The following RHOU variants were observed in gnomAD, a reference collection of about 807,000 sequenced individuals.
The protein encoded by RHOU is rho-related GTP-binding protein RhoU.
Under a neutral mutation model 12.6 loss-of-function variants are expected in RHOU, and 8 were observed. That is an observed-to-expected ratio of 0.64 (90% confidence interval 0.37 to 1.15). The LOEUF is 1.15. Among genes scored for constraint, RHOU ranks in the 50% most tolerant of loss-of-function variants. The pLI, the probability that RHOU is intolerant of heterozygous loss-of-function variation, is 0.01. For missense variants in RHOU, 258 were observed against 347.0 expected, an observed-to-expected ratio of 0.74 and a Z score of 2.04; for synonymous variants, 161 against 147.4, an observed-to-expected ratio of 1.09 and a Z score of -0.67.
the RHOU span, among the ~76,000 whole-genome samples, chr1:228,646,805 C>T: frequency 2.0e-5 from 3 of 150,906 alleles, no homozygotes; most frequent in Non-Finnish European, 4.4e-5. Context: ...CAGACGCACG[C>T]ACACACACAC....
chr1:228,703,151 A>C, the RHOU span, among the ~76,000 whole-genome samples: 4 of 152,340 alleles, frequency 2.6e-5, no homozygotes, highest in Admixed American at 2.6e-4. Context: ...AAACAACAGT[A>C]AGAGTTTCTA....
chr1:228,676,328 C>A, the RHOU span, among the ~76,000 whole-genome samples: 1 of 152,008 alleles, frequency 6.6e-6, no homozygotes, highest in African/African-American at 2.4e-5. Context: ...GGTTCACATT[C>A]CTCAGATTAA....
the RHOU span, among the ~76,000 whole-genome samples, chr1:228,713,594 A>T: frequency 1.3e-5 from 2 of 152,164 alleles, no homozygotes; most frequent in Admixed American, 6.6e-5. Flanking sequence ...GGCCTCCCAA[A>T]GTGCTGGGAT....
chr1:228,721,678 G>C, the RHOU span, among the ~76,000 whole-genome samples: 10 of 152,320 alleles, frequency 6.6e-5, no homozygotes, highest in South Asian at 2.1e-3. Flanking sequence ...GTTTTGTCTT[G>C]AGACGGAGTT....
chr1:228,660,732 G>A, the RHOU span, among the ~76,000 whole-genome samples: 3 of 151,604 alleles, frequency 2.0e-5, no homozygotes, highest in Non-Finnish European at 2.9e-5. Context: ...TTGGGAGTTT[G>A]AGACCAACCT....
At chr1:228,740,533 A>G (rs185252703) in intron 2 of RHOU, among the ~76,000 whole-genome samples, 1 of 152,358 alleles carries the variant, frequency 6.6e-6, no homozygotes, top group East Asian at 1.9e-4. Flanking sequence ...TTAGACTACT[A>G]GCCAAGCTGG....
At chr1:228,721,029 C>T in the RHOU span, among the ~76,000 whole-genome samples, 2 of 152,076 alleles carry the variant, frequency 1.3e-5, no homozygotes, top group East Asian at 1.9e-4. Flanking sequence ...CTTGGGGGCA[C>T]GGTGGCTCAC....
chr1:228,647,254 C>G, the RHOU span, among the ~76,000 whole-genome samples: 2,528 of 152,232 alleles, frequency 0.017, 86 homozygotes, highest in African/African-American at 0.058. Context: ...TTCGTAGGCT[C>G]CATTCTTTCT....
intron 2 of RHOU, among the ~76,000 whole-genome samples, chr1:228,740,313 T>C (rs1662694204): frequency 6.6e-6 from 1 of 152,228 alleles, no homozygotes; most frequent in South Asian, 2.1e-4. Flanking sequence ...ATTTACTGTA[T>C]TTCTTAACCT....
the RHOU span, among the ~76,000 whole-genome samples, chr1:228,667,535 G>A: frequency 6.6e-6 from 1 of 152,180 alleles, no homozygotes; most frequent in Non-Finnish European, 1.5e-5. Flanking sequence ...TGCTTGGCCT[G>A]TGGGAGCCCC....
the RHOU span, among the ~76,000 whole-genome samples, chr1:228,668,858 G>A: frequency 6.6e-6 from 1 of 152,184 alleles, no homozygotes; most frequent in African/African-American, 2.4e-5. Context: ...TTCTGGCATA[G>A]TGTCACTTTT....
chr1:228,700,175 A>T, the RHOU span, among the ~76,000 whole-genome samples: 79 of 152,304 alleles, frequency 5.2e-4, no homozygotes, highest in African/African-American at 1.6e-3. Context: ...CTTAACTACG[A>T]ATTTTGTTTC....
chr1:228,707,384 A>G, the RHOU span, among the ~76,000 whole-genome samples: 1 of 149,970 alleles, frequency 6.7e-6, no homozygotes, highest in South Asian at 2.1e-4. Context: ...TGAGCGACAC[A>G]GAAGATGGGT....
chr1:228,687,920 C>T, the RHOU span: 7 of 737,550 alleles, frequency 9.5e-6, no homozygotes, highest in Admixed American at 1.4e-4. Context: ...CCTCTCCCTC[C>T]TCTGCTCCAT....
chr1:228,710,673 A>C, the RHOU span, among the ~76,000 whole-genome samples: 3 of 150,776 alleles, frequency 2.0e-5, no homozygotes, highest in African/African-American at 7.3e-5. Flanking sequence ...AAATAATAAG[A>C]GCTATCTATG....
chr1:228,725,649 G>T, the RHOU span, among the ~76,000 whole-genome samples: 1 of 152,184 alleles, frequency 6.6e-6, no homozygotes, highest in African/African-American at 2.4e-5. Context: ...TTTGCCTAAT[G>T]AAATCCTAAG....
the RHOU span, chr1:228,687,391 A>T: frequency 6.1e-6 from 6 of 976,522 alleles, no homozygotes; most frequent in Non-Finnish European, 9.8e-6. Flanking sequence ...TAGAAAAGGT[A>T]AAGGAAACCC....
chr1:228,652,947 T>C, the RHOU span, among the ~76,000 whole-genome samples: 1 of 152,180 alleles, frequency 6.6e-6, no homozygotes, highest in African/African-American at 2.4e-5. Flanking sequence ...CCTCCAAAAT[T>C]TGGAAATGAC....
chr1:228,736,619 C>T (rs1662618009), intron 1 of RHOU, among the ~76,000 whole-genome samples: 1 of 152,168 alleles, frequency 6.6e-6, no homozygotes, highest in African/African-American at 2.4e-5. Flanking sequence ...CCACCACCTT[C>T]CCTGCCCACA....
Sources: allele counts gnomAD v4.1 joint callset (sites outside exome capture counted in the v4.1 genomes callset), GRCh38; gene constraint gnomAD v4.1.1; transcripts MANE v1.5; gene names NCBI Gene and HGNC (gene_info 2026-07-23, HGNC 2026-07-21).